The following RARB variants were observed in gnomAD, a reference collection of about 807,000 sequenced individuals.
The protein encoded by RARB is HBV-activated protein.
RARB carries 17 observed loss-of-function variants against 51.9 expected under a neutral mutation model. The observed-to-expected ratio is 0.33, with a 90% CI of 0.22 to 0.49. The LOEUF (loss-of-function observed/expected upper bound fraction) is 0.49, where lower values mean the gene tolerates loss of function less well. Ranked by LOEUF, RARB falls within the 20% of genes least tolerant of loss-of-function variation. The pLI is 0.99. For missense variants in RARB, 369 were observed against 550.8 expected (o/e 0.67, Z 3.30); for synonymous variants, 215 against 195.4 (o/e 1.10, Z -0.84).
chr3:25,249,328 C>T (rs1002506175), intron 5 of RARB, among the ~76,000 whole-genome samples: 1 of 151,848 alleles, frequency 6.6e-6, no homozygotes, highest in Non-Finnish European at 1.5e-5. Context: ...TACTTATATC[C>T]TTGATTATTT....
In RARB at chr3:25,042,136, A is replaced by G. The variant is rs1698127005; in HGVS notation, c.-379-17989A>G. ...CTGATGCTAATATGGAAATATTATCAGACCTTACCATTTTTCTAAAAAAGC... is the reference window on the plus strand; with the variant it reads ...CTGATGCTAATATGGAAATATTATCGGACCTTACCATTTTTCTAAAAAAGC... On this transcript the variant is annotated intron_variant, in intron 2 of 11. Transcript: ENST00000383772. 2.6e-5 allele frequency among the ~76,000 whole-genome samples: 4 copies of G among 152,340 alleles called. No homozygotes were observed. In the South Asian group the frequency reaches 8.3e-4, roughly 32 times the overall value.
intron 3 of RARB, among the ~76,000 whole-genome samples, chr3:25,074,060 T>G (rs59663978): frequency 0.18 from 26,904 of 152,204 alleles, 3,241 homozygotes; most frequent in African/African-American, 0.33. Flanking sequence ...CAATGTGCCA[T>G]ACACTGAGTT....
chr3:25,166,904 G>A (rs1236803901), intron 4 of RARB, among the ~76,000 whole-genome samples: 1 of 152,172 alleles, frequency 6.6e-6, no homozygotes, highest in African/African-American at 2.4e-5. Flanking sequence ...TGTGTCTAAG[G>A]CAAGCCAAAT....
intron 3 of RARB, among the ~76,000 whole-genome samples, chr3:25,562,797 A>T (rs951601092): frequency 1.3e-5 from 2 of 152,210 alleles, no homozygotes; most frequent in Non-Finnish European, 2.9e-5. Context: ...ACCAGCCCAG[A>T]CAGAGGAGGG....
At chr3:25,233,976 T>G (rs968917846) in intron 5 of RARB, among the ~76,000 whole-genome samples, 1 of 152,042 alleles carries the variant, frequency 6.6e-6, no homozygotes, top group African/African-American at 2.4e-5. Flanking sequence ...TACTAATATT[T>G]TGTTGGAGAT....
chr3:25,274,765 C>A (rs1209185886), intron 5 of RARB, among the ~76,000 whole-genome samples: 1 of 152,110 alleles, frequency 6.6e-6, no homozygotes, highest in Non-Finnish European at 1.5e-5. Context: ...TTTATATAGT[C>A]TTTTCATTAT....
At chr3:25,265,851 G>T (rs561744692) in intron 5 of RARB, among the ~76,000 whole-genome samples, 1 of 152,130 alleles carries the variant, frequency 6.6e-6, no homozygotes, top group Non-Finnish European at 1.5e-5. Flanking sequence ...TGTCAGCAGG[G>T]CTGGGTTCCC....
At chr3:25,293,769 T>C (rs191818671) in intron 5 of RARB, among the ~76,000 whole-genome samples, 54 of 152,214 alleles carry the variant, frequency 3.5e-4, no homozygotes, top group African/African-American at 1.3e-3. Flanking sequence ...TATGTGTTTG[T>C]CTTCTGCCTG....
At chr3:25,254,030 A>T (rs1224401737) in intron 5 of RARB, among the ~76,000 whole-genome samples, 1 of 152,212 alleles carries the variant, frequency 6.6e-6, no homozygotes, top group African/African-American at 2.4e-5. Flanking sequence ...TACAAAATCT[A>T]GGAAAAGTAA....
At chr3:24,886,099 C>T (rs1874053) in intron 2 of RARB, among the ~76,000 whole-genome samples, 9,003 of 152,172 alleles carry the variant, frequency 0.059, 420 homozygotes, top group East Asian at 0.15. Flanking sequence ...CAGCTCAAGC[C>T]CCTAGGTCTC....
intron 3 of RARB, among the ~76,000 whole-genome samples, chr3:25,507,620 A>G (rs944391055): frequency 1.3e-5 from 2 of 152,148 alleles, no homozygotes; most frequent in African/African-American, 4.8e-5. Flanking sequence ...TGTCTTGGGG[A>G]GTTGTGCATG....
At chr3:25,484,874 C>T (rs1696385139) in intron 2 of RARB, among the ~76,000 whole-genome samples, 1 of 152,026 alleles carries the variant, frequency 6.6e-6, no homozygotes, top group Non-Finnish European at 1.5e-5. Flanking sequence ...TATGGAAACA[C>T]ACGAATGCTG....
intron 1 of RARB, among the ~76,000 whole-genome samples, chr3:24,831,658 A>G (rs967745765): frequency 6.6e-6 from 1 of 152,110 alleles, no homozygotes. Flanking sequence ...GGGAACTAGT[A>G]GGTAATTCTT....
At chr3:25,370,904 C>T (rs1213647831) in intron 5 of RARB, among the ~76,000 whole-genome samples, 2 of 152,146 alleles carry the variant, frequency 1.3e-5, no homozygotes, top group Non-Finnish European at 2.9e-5. Flanking sequence ...CCTCTTTGAG[C>T]TTTTGGTGAC....
intron 2 of RARB, among the ~76,000 whole-genome samples, chr3:24,909,805 T>C (rs2125378312): frequency 6.6e-6 from 1 of 152,280 alleles, no homozygotes; most frequent in South Asian, 2.1e-4. Flanking sequence ...TGTCACCTCT[T>C]ATTTTTGATG....
At chr3:24,963,557 A>C (rs1696186528) in intron 2 of RARB, among the ~76,000 whole-genome samples, 1 of 151,598 alleles carries the variant, frequency 6.6e-6, no homozygotes, top group Non-Finnish European at 1.5e-5. Context: ...TTCAGGAAGC[A>C]GAATAACTTT....
chr3:25,501,201 T>A lies in RARB; in HGVS notation c.326T>A (p.Ile109Asn), dbSNP rs1397706685. The A allele has an allele frequency of 6.3e-7, 1 of 1,596,236 alleles. No homozygotes were observed. Among genetic ancestry groups the A allele is most frequent in the South Asian group, 1.2e-5 (1 of 86,814 alleles). ...TTGCAGGGCTTTTTCCGCAGAAGTA[T>A]TCAGAAGAATATGATTTACACTTGT... Reference protein sequence around the residue: ...EGCKGFFRRSIQKNMIYTCHR... With the variant: ...EGCKGFFRRSNQKNMIYTCHR... Residue 109 changes from isoleucine (I) to asparagine (N), a missense_variant, in exon 3 of 8, where the codon ATT becomes AAT. Physicochemically the swap from Ile to Asn is moderately radical, Grantham distance 149. Coordinates refer to ENST00000330688, the MANE Select transcript of RARB (RefSeq NM_000965.5).
intron 2 of RARB, among the ~76,000 whole-genome samples, chr3:25,474,920 C>T (rs372949204): frequency 6.6e-6 from 1 of 152,138 alleles, no homozygotes. Flanking sequence ...ATTTGAGTCT[C>T]ATGTTGTGTA....
chr3:24,899,220 C>G (rs1385780189), intron 2 of RARB, among the ~76,000 whole-genome samples: 1 of 152,126 alleles, frequency 6.6e-6, no homozygotes. Context: ...GCATGGAGCC[C>G]TTTGAAGCAG....
Sources: gnomAD v4.1 joint callset for allele counts (sites outside exome capture counted in the v4.1 genomes callset) on GRCh38, gnomAD v4.1.1 for gene constraint, MANE v1.5 for transcripts, NCBI Gene and HGNC (gene_info 2026-07-23, HGNC 2026-07-21) for gene names.